MTA3: variants seen among roughly 807,000 people sequenced by gnomAD.
MTA3 encodes the protein metastasis-associated protein MTA3.
Under a neutral mutation model 83.5 loss-of-function variants are expected in MTA3, and 34 were observed. The observed-to-expected ratio is 0.41, with a 90% CI of 0.31 to 0.54. MTA3 has a LOEUF of 0.54. Ranked by LOEUF, MTA3 falls within the 20% of genes least tolerant of loss-of-function variation. The pLI is 0.33. For missense variants in MTA3, 761 were observed against 726.4 expected, an observed-to-expected ratio of 1.05 and a Z score of -0.55; for synonymous variants, 303 against 252.7, an observed-to-expected ratio of 1.20 and a Z score of -1.89.
intron 2 of MTA3, among the ~76,000 whole-genome samples, chr2:42,542,705 C>A (rs140728143): frequency 6.6e-6 from 1 of 152,002 alleles, no homozygotes; most frequent in African/African-American, 2.4e-5. Flanking sequence ...GTGCCTGCCA[C>A]CTCACCCAGC....
chr2:42,618,897 C>T (rs1685222216), intron 4 of MTA3, among the ~76,000 whole-genome samples: 1 of 152,156 alleles, frequency 6.6e-6, no homozygotes, highest in South Asian at 2.1e-4. Context: ...AGGTGTGAGC[C>T]AGTGAGCCTG....
At chr2:42,748,242 T>TGTGTGTGTG (rs1553402303) in intron 16 of MTA3, among the ~76,000 whole-genome samples, 10 of 150,120 alleles carry the variant, frequency 6.7e-5, no homozygotes, top group Admixed American at 1.3e-4. Flanking sequence ...TGTGTGTGTG[T>TGTGTGTGTG]TTTAGTAGAG....
At chr2:42,673,685 G>C (rs1420194056) in intron 8 of MTA3, among the ~76,000 whole-genome samples, 1 of 152,168 alleles carries the variant, frequency 6.6e-6, no homozygotes, top group Non-Finnish European at 1.5e-5. Context: ...AGTGGGAGGA[G>C]GTGGATACAA....
chr2:42,538,247 T>A (rs1240591040), intron 2 of MTA3, among the ~76,000 whole-genome samples: 2 of 151,584 alleles, frequency 1.3e-5, no homozygotes, highest in African/African-American at 4.9e-5. Context: ...AATAAATAAA[T>A]AAAATAATTT....
At chr2:42,695,042 A>G in intron 9 of MTA3, among the ~76,000 whole-genome samples, 1 of 152,200 alleles carries the variant, frequency 6.6e-6, no homozygotes, top group East Asian at 1.9e-4. Context: ...AGGCTGAGGC[A>G]GGAGGATCAC....
chr2:42,560,171 C>T (rs984704279), intron 2 of MTA3, among the ~76,000 whole-genome samples: 1 of 152,034 alleles, frequency 6.6e-6, no homozygotes, highest in African/African-American at 2.4e-5. Flanking sequence ...TACAGGTGCA[C>T]GCCACCACGC....
At chr2:42,523,662 C>G (rs940258134) in intron 2 of MTA3, among the ~76,000 whole-genome samples, 13 of 152,242 alleles carry the variant, frequency 8.5e-5, no homozygotes, top group East Asian at 5.8e-4. Context: ...CTTGTAACCC[C>G]AGCACTTTGA....
intron 16 of MTA3, among the ~76,000 whole-genome samples, chr2:42,739,252 C>T (rs1048100451): frequency 3.9e-5 from 6 of 152,084 alleles, no homozygotes; most frequent in African/African-American, 1.2e-4. Flanking sequence ...TTTCTCAAGC[C>T]AGCCGACACT....
At chr2:42,625,551 C>G (rs1685987924) in intron 4 of MTA3, among the ~76,000 whole-genome samples, 1 of 150,270 alleles carries the variant, frequency 6.7e-6, no homozygotes, top group Admixed American at 6.6e-5. Flanking sequence ...TTGAGACCAT[C>G]CTGGCTAACA....
intron 4 of MTA3, among the ~76,000 whole-genome samples, chr2:42,627,853 C>T (rs1463957870): frequency 2.0e-5 from 3 of 150,796 alleles, no homozygotes; most frequent in African/African-American, 7.3e-5. Flanking sequence ...GCTGGGATTA[C>T]AGGCATGAGC....
intron 14 of MTA3, among the ~76,000 whole-genome samples, chr2:42,714,139 A>C (rs1362580915): frequency 6.6e-6 from 1 of 152,212 alleles, no homozygotes; most frequent in Non-Finnish European, 1.5e-5. Context: ...TGCATTTCTC[A>C]TTTTGAATGA....
At chr2:42,499,735 C>G (rs1674309821) in intron 2 of MTA3, among the ~76,000 whole-genome samples, 1 of 149,748 alleles carries the variant, frequency 6.7e-6, no homozygotes, top group Admixed American at 6.7e-5. Context: ...TTGCGGTGAG[C>G]TGAGATCAAG....
rs949888902 is a variant in MTA3, at chr2:42,756,553, G to C, written c.*3154G>C. ...CACTGCTGTCCTAAGTCCCTGGCGAGGGGAGGTGGAGGAGCTGCCCCGTGG... is the reference window on the plus strand; with the variant it reads ...CACTGCTGTCCTAAGTCCCTGGCGACGGGAGGTGGAGGAGCTGCCCCGTGG... On this transcript the variant is annotated 3_prime_UTR_variant, in exon 17 of 17. Coordinates refer to ENST00000405094, the MANE Select transcript of MTA3 (RefSeq NM_001330442.2). The C allele has an allele frequency of 1.0e-6, 1 of 985,788 alleles. No homozygotes were observed. Among genetic ancestry groups the C allele is most frequent in the Non-Finnish European group, 1.2e-6 (1 of 830,256 alleles). The allele number at this position is 985,788 out of a possible 1,614,324, so 61.1% of individuals were successfully genotyped here. A position where few individuals can be genotyped will look rare whatever the true frequency, so the allele number is the denominator to read the frequency against.
chr2:42,590,963 G>C (rs1487109490), intron 3 of MTA3, among the ~76,000 whole-genome samples: 1 of 152,176 alleles, frequency 6.6e-6, no homozygotes, highest in African/African-American at 2.4e-5. Flanking sequence ...TGTACTGGTA[G>C]AGGATTAGGG....
intron 4 of MTA3, among the ~76,000 whole-genome samples, chr2:42,613,107 T>C (rs888801815): frequency 1.3e-5 from 2 of 152,188 alleles, no homozygotes; most frequent in East Asian, 3.8e-4. Context: ...GAGAGTATAT[T>C]AAAATATAAT....
intron 2 of MTA3, among the ~76,000 whole-genome samples, chr2:42,511,351 G>A (rs1314532935): frequency 4.9e-5 from 7 of 143,838 alleles, no homozygotes; most frequent in South Asian, 4.4e-4. Context: ...ACCTTTCTAC[G>A]TCAAAAAAAA....
chr2:42,499,190 G>C lies in MTA3; in HGVS notation c.-141+3936G>C, dbSNP rs374539252. ...GTAGATCTTTTTTTTTTTTTGAGAC[G>C]GAGTTTCACTCTTTTTGCCTAGGCT... On this transcript the variant is annotated intron_variant, in intron 2 of 17. Coordinates refer to the MTA3 transcript ENST00000405592. 3.5e-5 allele frequency among the ~76,000 whole-genome samples: 5 copies of C among 144,496 alleles called. No homozygotes were observed. In the East Asian group the frequency reaches 6.2e-4, roughly 18 times the overall value. The allele number at this position is 144,496 out of a possible 152,430, so 94.8% of individuals were successfully genotyped here.
intron 2 of MTA3, among the ~76,000 whole-genome samples, chr2:42,525,627 T>TTCCTTCC (rs1224256361): frequency 0.19 from 23,761 of 124,820 alleles, 2,388 homozygotes; most frequent in South Asian, 0.29. Context: ...TCCTTCCTAC[T>TTCCTTCC]TTCTTTCTTT....
chr2:42,648,333 G>A (rs928788139), intron 6 of MTA3, among the ~76,000 whole-genome samples: 2 of 152,190 alleles, frequency 1.3e-5, no homozygotes, highest in African/African-American at 4.8e-5. Flanking sequence ...TTTAGGATTT[G>A]CTGGAATCCA....
Sources: gnomAD v4.1 joint callset for allele counts (sites outside exome capture counted in the v4.1 genomes callset) on GRCh38, gnomAD v4.1.1 for gene constraint, MANE v1.5 for transcripts, NCBI Gene and HGNC (gene_info 2026-07-23, HGNC 2026-07-21) for gene names.